Variants in PCDH19 observed in about 807,000 individuals in gnomAD.
The protein encoded by PCDH19 is protocadherin-19.
In PCDH19, 6 loss-of-function variants were observed where a neutral mutation model predicts 46.2. The observed-to-expected ratio is 0.13, with a 90% CI of 0.07 to 0.26. The LOEUF is 0.26. Among genes scored for constraint, PCDH19 ranks in the 10% least tolerant of loss-of-function variants. The pLI, the probability that PCDH19 is intolerant of heterozygous loss-of-function variation, is 1.00. For synonymous variants in PCDH19, 481 were observed against 415.7 expected (o/e 1.16, Z -1.91); for missense variants, 740 against 972.3 (o/e 0.76, Z 3.18).
At chrX:100,307,965 A>G (rs1925002535) in intron 5 of PCDH19, among the ~76,000 whole-genome samples, 1 of 111,334 alleles carries the variant, frequency 9.0e-6, no homozygotes, top group South Asian at 3.8e-4. Flanking sequence ...ACGACCATAC[A>G]GCCAAAAGCA....
At chrX:100,333,990 A>C in intron 5 of PCDH19, among the ~76,000 whole-genome samples, 1 of 110,148 alleles carries the variant, frequency 9.1e-6, no homozygotes, top group Non-Finnish European at 1.9e-5. Context: ...GGGTTTCACC[A>C]TGTTGGCAAG....
At chrX:100,300,202 T>C (rs1924731510) in intron 5 of PCDH19, among the ~76,000 whole-genome samples, 1 of 112,251 alleles carries the variant, frequency 8.9e-6, no homozygotes, top group Non-Finnish European at 1.9e-5. Context: ...AGAAATTGTG[T>C]AGTAAATGTG....
chrX:100,394,239 C>G (rs949773522), intron 3 of PCDH19, among the ~76,000 whole-genome samples: 3 of 112,191 alleles, frequency 2.7e-5, no homozygotes, highest in Non-Finnish European at 3.8e-5. Context: ...AGACTTGACA[C>G]CAAGCTTCCT....
Position 100,403,072 on chromosome X carries a change from C to G in PCDH19, c.2289-221G>C, listed in dbSNP as rs369704965. On this transcript the variant is annotated intron_variant, in intron 2 of 5. Transcript: ENST00000373034. ...ACATAGTAACCTCCCACCAACCCCC[C>G]CTAAAAAAGTTTCTATACTTTGGAT... 2.7e-5 allele frequency among the ~76,000 whole-genome samples: 3 copies of G among 110,999 alleles called. No homozygotes were observed. The East Asian group carries it at 8.5e-4, about 32-fold the overall frequency.
Position 100,342,085 on chromosome X carries a change from A to C in PCDH19, c.2676-10T>G, listed in dbSNP as rs1469998949. The C allele has an allele frequency of 2.5e-6, 3 of 1,198,953 alleles. No homozygotes were observed. Among genetic ancestry groups the C allele is most frequent in the Non-Finnish European group, 3.4e-6 (3 of 883,751 alleles). ...CTTGAAGGTGGAGCTGCTGGGTTGA[A>C]GACAGAATGATAATTTACGACCGTG... is the stretch of plus-strand genomic sequence containing the variant. On this transcript the variant is annotated splice_polypyrimidine_tract_variant and intron_variant, in intron 4 of 5. Transcript: ENST00000373034.
intron 3 of PCDH19, among the ~76,000 whole-genome samples, chrX:100,382,932 G>T (rs998779672): frequency 8.9e-6 from 1 of 112,054 alleles, no homozygotes; most frequent in African/African-American, 3.2e-5. Flanking sequence ...GATGTAAAAA[G>T]GAATTTGTGT....
At chrX:100,347,882 G>T (rs1348921229) in intron 4 of PCDH19, among the ~76,000 whole-genome samples, 1 of 106,659 alleles carries the variant, frequency 9.4e-6, no homozygotes, top group Non-Finnish European at 1.9e-5. Flanking sequence ...GGCTAACATG[G>T]CGAAACCCCA....
In PCDH19 at chrX:100,407,227, G is replaced by A. The variant is rs1367726855; in HGVS notation, c.1371C>T (p.Tyr457=). ...TGTTCTCCTGCACAATGACCTGGTA[G>A]TAGGGCTTGGAAAAGTGCGGGTGGT... The part of the protein sequence containing the change: ...NDNHPHFSKP[Y]YQVIVQENNT... The change falls in exon 1 of 6, where the codon TAC becomes TAT. Residue 457 remains tyrosine (Y), a synonymous_variant. Coordinates refer to ENST00000373034, the MANE Select transcript of PCDH19 (RefSeq NM_001184880.2). 5 of 1,211,952 alleles carry A rather than the reference G, an allele frequency of 4.1e-6. No individual in the cohort carries two copies. The Admixed American group carries it at 6.5e-5, about 16-fold the overall frequency.
At chrX:100,387,052 T>A (rs1927735019) in intron 3 of PCDH19, among the ~76,000 whole-genome samples, 1 of 111,514 alleles carries the variant, frequency 9.0e-6, no homozygotes, top group Admixed American at 9.6e-5. Context: ...AGCATCTGTG[T>A]GAGTTTTTTT....
At chrX:100,371,020 T>G (rs868134760) in intron 3 of PCDH19, among the ~76,000 whole-genome samples, 1 of 107,302 alleles carries the variant, frequency 9.3e-6, no homozygotes, top group African/African-American at 3.4e-5. Context: ...TGTGTGTGTG[T>G]GTGTGGGTGT....
At chrX:100,338,752 C>T (rs1157197278) in intron 5 of PCDH19, among the ~76,000 whole-genome samples, 2 of 110,821 alleles carry the variant, frequency 1.8e-5, no homozygotes, top group Non-Finnish European at 3.8e-5. Flanking sequence ...GGACAAATCC[C>T]ATAGAAATTT....
intron 5 of PCDH19, among the ~76,000 whole-genome samples, chrX:100,313,414 A>G (rs1471156167): frequency 8.9e-6 from 1 of 111,739 alleles, no homozygotes; most frequent in Admixed American, 9.6e-5. Context: ...TTCGGCAGTT[A>G]TAAGAGGAAG....
intron 3 of PCDH19, among the ~76,000 whole-genome samples, chrX:100,371,884 C>CA (rs1555981142): frequency 0.11 from 9,839 of 88,843 alleles, 455 homozygotes; most frequent in Non-Finnish European, 0.14. Context: ...ACACACACAC[C>CA]CACACAAAAC....
chrX:100,396,301 G>A (rs1368468394), intron 3 of PCDH19, among the ~76,000 whole-genome samples: 1 of 111,833 alleles, frequency 8.9e-6, no homozygotes, highest in Non-Finnish European at 1.9e-5. Context: ...TAGCTTCTGC[G>A]CTGGGCACAA....
intron 3 of PCDH19, among the ~76,000 whole-genome samples, chrX:100,369,595 G>C (rs1927162618): frequency 8.9e-6 from 1 of 112,355 alleles, no homozygotes; most frequent in South Asian, 3.7e-4. Flanking sequence ...ATGCTTTTGT[G>C]AAAGTTTAGT....
intron 5 of PCDH19, among the ~76,000 whole-genome samples, chrX:100,323,040 AGGGAAGGAAAC>A: frequency 9.2e-6 from 1 of 108,265 alleles, no homozygotes; most frequent in Non-Finnish European, 1.9e-5. Flanking sequence ...GCAAGGTTAG[AGGGAAGGAAAC>A]TTGAAGACTC....
chrX:100,325,903 C>A (rs1316906556), intron 5 of PCDH19, among the ~76,000 whole-genome samples: 1 of 112,030 alleles, frequency 8.9e-6, no homozygotes, highest in Non-Finnish European at 1.9e-5. Context: ...TCTCCCCAAG[C>A]CCTACTTTCC....
chrX:100,328,687 C>T (rs1370679154), intron 5 of PCDH19, among the ~76,000 whole-genome samples: 1 of 111,521 alleles, frequency 9.0e-6, no homozygotes, highest in South Asian at 3.8e-4. Flanking sequence ...TCAGTACCAC[C>T]GGAATCTGGA....
In PCDH19 at chrX:100,305,302, G is replaced by A. The variant is rs1454124036; in HGVS notation, c.2849-8427C>T. On this transcript the variant is annotated intron_variant, in intron 5 of 5. Transcript: ENST00000373034. ...CTTAAATGAAACAATTATCAGCCAA[G>A]AATTTTGTATCCAGTGAAACTAAGC... Among the ~76,000 whole-genome samples the A allele has an allele frequency of 2.7e-5, 3 of 111,415 alleles. No homozygotes were observed. In the Admixed American group the frequency reaches 2.9e-4, roughly 11 times the overall value.
Sources: gnomAD v4.1 joint callset for allele counts (sites outside exome capture counted in the v4.1 genomes callset) on GRCh38, gnomAD v4.1.1 for gene constraint, MANE v1.5 for transcripts, NCBI Gene and HGNC (gene_info 2026-07-23, HGNC 2026-07-21) for gene names.